Variants in PPP1R9A observed in about 807,000 individuals in gnomAD.
PPP1R9A encodes protein phosphatase 1 regulatory subunit 9A, also known as neurabin-1.
A neutral mutation model predicts 141.9 loss-of-function variants in PPP1R9A; 59 were observed. The observed-to-expected ratio is 0.42, with a 90% CI of 0.34 to 0.52. The LOEUF (loss-of-function observed/expected upper bound fraction) is 0.52, where lower values mean the gene tolerates loss of function less well. Among genes scored for constraint, PPP1R9A ranks in the 20% least tolerant of loss-of-function variants. The pLI, the probability that PPP1R9A is intolerant of heterozygous loss-of-function variation, is 0.10. For synonymous variants in PPP1R9A, 500 were observed against 569.7 expected, an observed-to-expected ratio of 0.88 and a Z score of 1.74; for missense variants, 1,444 against 1,611.9, an observed-to-expected ratio of 0.90 and a Z score of 1.78.
chr7:95,220,645 A>G (rs985598907), intron 7 of PPP1R9A, among the ~76,000 whole-genome samples: 14 of 152,134 alleles, frequency 9.2e-5, no homozygotes, highest in African/African-American at 3.4e-4. Flanking sequence ...ACTATATGCC[A>G]AGCAATGTAC....
intron 2 of PPP1R9A, among the ~76,000 whole-genome samples, chr7:95,101,688 C>T (rs1818818057): frequency 1.3e-5 from 2 of 152,160 alleles, no homozygotes; most frequent in South Asian, 4.2e-4. Flanking sequence ...TGCTTAGCGG[C>T]ACTAACATCT....
chr7:95,072,753 TTATATTAAATATA>T (rs1269381192), intron 2 of PPP1R9A, among the ~76,000 whole-genome samples: 24 of 106,710 alleles, frequency 2.2e-4, no homozygotes, highest in Middle Eastern at 7.5e-3. Context: ...ATATATAATA[TTATATTAAATATA>T]TATATTAAAT....
intron 2 of PPP1R9A, among the ~76,000 whole-genome samples, chr7:95,073,237 C>T (rs147170602): frequency 5.9e-5 from 9 of 151,802 alleles, no homozygotes; most frequent in Admixed American, 4.6e-4. Context: ...CCACCTGCCT[C>T]GGTCTCTCAA....
At chr7:95,152,835 A>T (rs1022608490) in intron 4 of PPP1R9A, among the ~76,000 whole-genome samples, 2 of 126,844 alleles carry the variant, frequency 1.6e-5, no homozygotes, top group African/African-American at 3.2e-5. Flanking sequence ...CTACAGCCAC[A>T]CCCTTTTTTT....
At position 95,152,192 on chromosome 7, in the gene PPP1R9A, C is replaced by T. The variant is rs150711489; in HGVS notation, c.1650-9675C>T. On this transcript the variant is annotated intron_variant, in intron 4 of 19. Transcript: ENST00000433360. ...GTCTCCATCTCTTGACCTCGTGATC[C>T]ACCCGCCTTGGCTTTCCACAGTGCT... Among the ~76,000 whole-genome samples, 1,201 of 151,996 alleles carry T rather than the reference C, an allele frequency of 7.9e-3. 16 individuals are homozygous for T. The highest frequency in any genetic ancestry group is 0.027 in the African/African-American group (1,129 of 41,486).
intron 5 of PPP1R9A, among the ~76,000 whole-genome samples, chr7:95,181,185 TATATATATAGA>T (rs201753603): frequency 0.05 from 7,309 of 145,706 alleles, 249 homozygotes; most frequent in South Asian, 0.085. Context: ...TATATCTATC[TATATATATAGA>T]ATATATATAG....
chr7:95,112,213 A>AACC (rs1820692094), intron 3 of PPP1R9A, among the ~76,000 whole-genome samples: 1 of 152,120 alleles, frequency 6.6e-6, no homozygotes, highest in African/African-American at 2.4e-5. Context: ...CAACAACAAC[A>AACC]ACAACAAAAA....
At chr7:95,245,050 A>T (rs1322635128) in intron 8 of PPP1R9A, among the ~76,000 whole-genome samples, 1 of 152,192 alleles carries the variant, frequency 6.6e-6, no homozygotes, top group African/African-American at 2.4e-5. Context: ...AAAGAACAAG[A>T]AGTATATCTT....
At chr7:95,063,292 G>A (rs1165787894) in intron 2 of PPP1R9A, among the ~76,000 whole-genome samples, 2 of 152,150 alleles carry the variant, frequency 1.3e-5, no homozygotes, top group Non-Finnish European at 2.9e-5. Flanking sequence ...TGGAGGGAAT[G>A]GCTCACACCT....
At chr7:94,997,466 A>G (rs962233703) in intron 2 of PPP1R9A, among the ~76,000 whole-genome samples, 1 of 152,130 alleles carries the variant, frequency 6.6e-6, no homozygotes, top group Non-Finnish European at 1.5e-5. Context: ...GCTTTTATCA[A>G]AACTTCGTTA....
rs1377985790 is a variant in PPP1R9A at position 95,293,522 on chromosome 7, CCAAACT to C, written c.*3222_*3227del. On this transcript the variant is annotated 3_prime_UTR_variant, in exon 20 of 20. Coordinates refer to ENST00000433360, the MANE Select transcript of PPP1R9A (RefSeq NM_001166160.2). ...GATTGCAGTATGATAGGTACTAAAGCCAAACTCAGCTTTCAACTGGCACAAAATGGG... is the reference window on the plus strand; with the variant it reads ...GATTGCAGTATGATAGGTACTAAAGCCAGCTTTCAACTGGCACAAAATGGG... The C allele has an allele frequency of 6.6e-6, 1 of 152,156 alleles. No individual in the cohort carries two copies. Among genetic ancestry groups the C allele is most frequent in the Non-Finnish European group, 1.5e-5 (1 of 68,040 alleles). 9.4% of individuals were successfully genotyped at this position (152,156 alleles called of 1,614,324 possible).
intron 2 of PPP1R9A, among the ~76,000 whole-genome samples, chr7:94,961,377 A>G (rs1220554858): frequency 6.6e-6 from 1 of 151,488 alleles, no homozygotes; most frequent in African/African-American, 2.4e-5. Context: ...TAGGTTGAGT[A>G]TACTAGGTAT....
intron 5 of PPP1R9A, among the ~76,000 whole-genome samples, chr7:95,171,574 TACA>T (rs1358551610): frequency 6.6e-6 from 1 of 151,702 alleles, no homozygotes; most frequent in Non-Finnish European, 1.5e-5. Context: ...TGCCAGTGAA[TACA>T]ACAAGTTAGA....
Position 95,286,167 on chromosome 7 carries a change from C to G in PPP1R9A, c.3610-39C>G, listed in dbSNP as rs888005112. 3.7e-6 allele frequency: 6 copies of G among 1,607,562 alleles called. No individual in the cohort carries two copies. The Admixed American group carries it at 6.7e-5, about 18-fold the overall frequency. The stretch of plus-strand genomic sequence containing the variant: ...GACACACCTACCTCTTGCTCACTCA[C>G]TGCACTCATTTAACACTGAGCTTCA... On this transcript the variant is annotated intron_variant, in intron 17 of 19. Coordinates refer to ENST00000433360, the MANE Select transcript of PPP1R9A (RefSeq NM_001166160.2).
chr7:95,224,836 G>A (rs1350750218), intron 7 of PPP1R9A, among the ~76,000 whole-genome samples: 3 of 152,026 alleles, frequency 2.0e-5, no homozygotes, highest in South Asian at 2.1e-4. Flanking sequence ...TCAGTACACC[G>A]TTCATGGAAG....
chr7:95,125,197 C>A (rs987220754), intron 4 of PPP1R9A, among the ~76,000 whole-genome samples: 1 of 151,952 alleles, frequency 6.6e-6, no homozygotes, highest in Non-Finnish European at 1.5e-5. Context: ...CCCAGGCTGA[C>A]CTCAAACTCT....
chr7:95,151,016 T>C (rs1409680637), intron 4 of PPP1R9A, among the ~76,000 whole-genome samples: 3 of 152,208 alleles, frequency 2.0e-5, no homozygotes, highest in Admixed American at 6.5e-5. Context: ...CAACAAATGC[T>C]GACAAGGATG....
In PPP1R9A at chr7:95,174,466, G is replaced by A. The variant is rs140865893; in HGVS notation, c.1754+12495G>A. ...TTACACAACTATGTATACATTTATCGAAACTCCTCAGATTATACAACTTAA... is the reference window on the plus strand; with the variant it reads ...TTACACAACTATGTATACATTTATCAAAACTCCTCAGATTATACAACTTAA... On this transcript the variant is annotated intron_variant, in intron 5 of 19. Transcript: ENST00000433360. Among the ~76,000 whole-genome samples the A allele has an allele frequency of 7.8e-3, 1,191 of 152,128 alleles. 14 individuals are homozygous for A. Among genetic ancestry groups the A allele is most frequent in the African/African-American group, 0.027 (1,122 of 41,520 alleles).
intron 8 of PPP1R9A, among the ~76,000 whole-genome samples, chr7:95,234,831 G>A (rs1215181861): frequency 1.3e-5 from 2 of 152,118 alleles, no homozygotes; most frequent in East Asian, 3.9e-4. Flanking sequence ...ATAGACCAAT[G>A]GAGCAGAATA....
Sources: allele counts gnomAD v4.1 joint callset (sites outside exome capture counted in the v4.1 genomes callset), GRCh38; gene constraint gnomAD v4.1.1; transcripts MANE v1.5; gene names NCBI Gene and HGNC (gene_info 2026-07-23, HGNC 2026-07-21).